XRCC5: variants seen among roughly 807,000 people sequenced by gnomAD.
The protein encoded by XRCC5 is DNA repair protein Ku80.
XRCC5 carries 12 observed loss-of-function variants against 95.7 expected under a neutral mutation model. The ratio of observed to expected loss-of-function variants is 0.13; its 90% CI spans 0.08 to 0.20. The LOEUF (loss-of-function observed/expected upper bound fraction) is 0.20. Ranked by LOEUF, XRCC5 falls within the 10% of genes least tolerant of loss-of-function variation. XRCC5 has a pLI of 1.00. For synonymous variants in XRCC5, 281 were observed against 290.3 expected, an observed-to-expected ratio of 0.97 and a Z score of 0.33; for missense variants, 595 against 873.9, an observed-to-expected ratio of 0.68 and a Z score of 4.02.
At chr2:216,119,298 G>A in intron 5 of XRCC5, 133 bp downstream of exon 5, 1 of 914,530 alleles carries the variant, frequency 1.1e-6, no homozygotes, top group Non-Finnish European at 1.6e-6. Context: ...TCAGATGACT[G>A]ACTACTCAGC....
intron 5 of XRCC5, among the ~76,000 whole-genome samples, chr2:216,121,393 A>G (rs1360023957): frequency 6.6e-6 from 1 of 152,244 alleles, no homozygotes; most frequent in African/African-American, 2.4e-5. Flanking sequence ...GAGGCCGGGA[A>G]GTCCAAGATC....
At position 216,148,069 on chromosome 2, in the gene XRCC5, A is replaced by T; in HGVS notation, c.1477-14A>T. The T allele has an allele frequency of 6.3e-7, 1 of 1,595,442 alleles. No individual in the cohort carries two copies. Among genetic ancestry groups the T allele is most frequent in the South Asian group, 1.2e-5 (1 of 86,840 alleles). On this transcript the variant is annotated splice_polypyrimidine_tract_variant and intron_variant, in intron 13 of 20. Transcript: ENST00000392132. ...TCTCCATCTGTGTTTTAAAATCCTT[A>T]CTTTTTCCAACAGTGTCTGCTGCAC...
chr2:216,171,485 G>A (rs1351626731), intron 16 of XRCC5, among the ~76,000 whole-genome samples: 3 of 152,200 alleles, frequency 2.0e-5, no homozygotes, highest in African/African-American at 7.2e-5. Context: ...ATGTTTTAGA[G>A]GTTGGAGAAA....
intron 19 of XRCC5, among the ~76,000 whole-genome samples, chr2:216,201,966 A>G (rs1333104156): frequency 1.3e-5 from 2 of 152,220 alleles, no homozygotes; most frequent in Non-Finnish European, 2.9e-5. Context: ...CTGTCAGGAA[A>G]ATCAGTTGCA....
chr2:216,122,525 T>C (rs755146523), intron 6 of XRCC5, among the ~76,000 whole-genome samples: 1 of 152,104 alleles, frequency 6.6e-6, no homozygotes, highest in Non-Finnish European at 1.5e-5. Flanking sequence ...CAAGTCAAAT[T>C]GCAAAAGATG....
intron 1 of XRCC5, 29 bp downstream of exon 1, chr2:216,109,486 T>C: frequency 6.2e-7 from 1 of 1,613,380 alleles, no homozygotes; most frequent in South Asian, 1.1e-5. Flanking sequence ...ACTTGGGCTT[T>C]ACCCGGACTG....
chr2:216,129,516 C>T (rs929489869), intron 8 of XRCC5, among the ~76,000 whole-genome samples: 2 of 152,168 alleles, frequency 1.3e-5, no homozygotes, highest in African/African-American at 2.4e-5. Flanking sequence ...TTACACAATT[C>T]ACACGATTCA....
At chr2:216,123,738 G>A (rs1157194424) in intron 6 of XRCC5, among the ~76,000 whole-genome samples, 4 of 152,190 alleles carry the variant, frequency 2.6e-5, no homozygotes, top group Non-Finnish European at 4.4e-5. Context: ...CCTAGGAGGC[G>A]GAGGTTGCAA....
At chr2:216,184,076 T>TGTGTGTGTGTGTGTG (rs1689446156) in intron 16 of XRCC5, among the ~76,000 whole-genome samples, 1 of 100,174 alleles carries the variant, frequency 1.0e-5, no homozygotes, top group South Asian at 3.4e-4. Flanking sequence ...GTGTGTGTGA[T>TGTGTGTGTGTGTGTG]TTAGAGAAAA....
At chr2:216,167,626 T>A (rs72954604) in intron 16 of XRCC5, among the ~76,000 whole-genome samples, 17,125 of 150,292 alleles carry the variant, frequency 0.11, 1,072 homozygotes, top group South Asian at 0.18. Context: ...TTTTTTTTAA[T>A]TGATCCTGAT....
At position 216,127,674 on chromosome 2, in the gene XRCC5, GGTAT is replaced by G. The variant is rs1238439070; in HGVS notation, c.937+3_937+6del. ...AGTTTTAAAAGAGGATATTATTCAA[GGTAT>G]GTCAGTAAGAGTTTTCACTGTTGCC... On this transcript the variant is annotated splice_donor_variant and splice_donor_region_variant and intron_variant, in intron 8 of 20. Coordinates refer to ENST00000392132, the MANE Select transcript of XRCC5 (RefSeq NM_021141.4). LOFTEE classifies it high-confidence loss of function. 6.3e-7 allele frequency: 1 copy of G among 1,597,806 alleles called. No homozygotes were observed. Among genetic ancestry groups the G allele is most frequent in the Admixed American group, 1.8e-5 (1 of 55,778 alleles).
chr2:216,172,469 C>CTTTTTTTTTTTTTTTTTTTTTTTTTTTT lies in XRCC5; in HGVS notation c.1834+10438_1834+10439insTTTTTTTTTTTTTTTTTTTTTTTTTTTT, dbSNP rs746493174. On this transcript the variant is annotated intron_variant, in intron 16 of 20. Transcript: ENST00000392132. ...AAACTTTAGCATCAGCTTTTCTTTT[C>CTTTTTTTTTTTTTTTTTTTTTTTTTTTT]TTTTTTTTTTTTTTTTTGAGACAAA... Among the ~76,000 whole-genome samples the CTTTTTTTTTTTTTTTTTTTTTTTTTTTT allele has an allele frequency of 1.2e-4, 13 of 107,796 alleles. 3 individuals carry two copies. Among genetic ancestry groups the CTTTTTTTTTTTTTTTTTTTTTTTTTTTT allele is most frequent in the African/African-American group, 2.0e-4 (5 of 25,470 alleles). 70.7% of individuals were successfully genotyped at this position (107,796 alleles called of 152,430 possible).
At chr2:216,173,669 T>G (rs1163289452) in intron 16 of XRCC5, among the ~76,000 whole-genome samples, 2 of 152,214 alleles carry the variant, frequency 1.3e-5, no homozygotes, top group Non-Finnish European at 2.9e-5. Flanking sequence ...CTAACGGTGT[T>G]GAGAGGTGGG....
chr2:216,136,367 A>AAAAAAG (rs61067470), intron 10 of XRCC5, among the ~76,000 whole-genome samples: 106,900 of 143,048 alleles, frequency 0.75, 40,364 homozygotes, highest in East Asian at 0.88. Flanking sequence ...AAAAAAAAAA[A>AAAAAAG]AAAAGAAATA....
chr2:216,174,259 A>G (rs889904494), intron 16 of XRCC5, among the ~76,000 whole-genome samples: 3 of 152,238 alleles, frequency 2.0e-5, no homozygotes, highest in Admixed American at 6.5e-5. Context: ...CTATTAATCT[A>G]AAACACACAT....
At chr2:216,111,250 G>A (rs752546416) in intron 1 of XRCC5, among the ~76,000 whole-genome samples, 18 of 152,104 alleles carry the variant, frequency 1.2e-4, no homozygotes, top group Admixed American at 7.2e-4. Flanking sequence ...GGCCAGACAC[G>A]GTGGCCTATA....
intron 13 of XRCC5, among the ~76,000 whole-genome samples, chr2:216,142,978 C>G (rs1697195781): frequency 6.6e-6 from 1 of 152,214 alleles, no homozygotes; most frequent in South Asian, 2.1e-4. Flanking sequence ...GTTGAAAATG[C>G]ATTTACTACA....
At chr2:216,113,354 C>T (rs572652879) in intron 2 of XRCC5, among the ~76,000 whole-genome samples, 8 of 152,152 alleles carry the variant, frequency 5.3e-5, no homozygotes, top group South Asian at 4.1e-4. Flanking sequence ...CAGTTTTTAT[C>T]GGAAACAAGA....
Position 216,205,767 on chromosome 2 carries a change from C to T in XRCC5, c.*565C>T, listed in dbSNP as rs1292866760. 6.5e-6 allele frequency: 1 copy of T among 153,504 alleles called. No individual in the cohort carries two copies. Among genetic ancestry groups the T allele is most frequent in the Non-Finnish European group, 1.4e-5 (1 of 69,018 alleles). 9.5% of individuals were successfully genotyped at this position (153,504 alleles called of 1,614,324 possible). A position where few individuals can be genotyped will look rare whatever the true frequency, so the allele number is the denominator to read the frequency against. On this transcript the variant is annotated 3_prime_UTR_variant, in exon 21 of 21. Transcript: ENST00000392132. ...TTTAGTTGAGGCCTTCTAGTTACCA[C>T]ATTACTCTGCCTCTGTATATAGGTG... is the stretch of plus-strand genomic sequence containing the variant.
Sources: gnomAD v4.1 joint callset for allele counts (sites outside exome capture counted in the v4.1 genomes callset) on GRCh38, gnomAD v4.1.1 for gene constraint, MANE v1.5 for transcripts, NCBI Gene and HGNC (gene_info 2026-07-23, HGNC 2026-07-21) for gene names.